FREM1: variants seen among roughly 807,000 people sequenced by gnomAD.
FREM1 encodes FRAS1-related extracellular matrix protein 1.
A neutral mutation model predicts 210.1 loss-of-function variants in FREM1; 220 were observed. The ratio of observed to expected loss-of-function variants is 1.05; its 90% CI spans 0.94 to 1.17. The LOEUF (loss-of-function observed/expected upper bound fraction) is 1.17, where lower values mean the gene tolerates loss of function less well. Among genes scored for constraint, FREM1 ranks in the 50% most tolerant of loss-of-function variants. The probability of loss-of-function intolerance (pLI) is 0.00; values close to 1 mark genes in which losing one functional copy is unlikely to be tolerated. For missense variants in FREM1, 3,454 were observed against 2,675.5 expected (o/e 1.29, Z -6.42); for synonymous variants, 1,189 against 980.2 (o/e 1.21, Z -3.98).
intron 10 of FREM1, among the ~76,000 whole-genome samples, chr9:14,830,698 T>G (rs1823397454): frequency 1.3e-5 from 2 of 152,150 alleles, no homozygotes; most frequent in South Asian, 4.1e-4. Context: ...CCTTCCTTCT[T>G]GCCTATTAAA....
chr9:14,782,820 C>T (rs1007971157), intron 24 of FREM1, among the ~76,000 whole-genome samples: 2 of 152,184 alleles, frequency 1.3e-5, no homozygotes, highest in Admixed American at 1.3e-4. Context: ...CTCCCGCAAC[C>T]TTGTGAGGCA....
rs760898480 is a variant in FREM1 at position 14,863,886 on chromosome 9, G to C, written c.252C>G (p.Phe84Leu). 7.5e-6 allele frequency: 12 copies of C among 1,609,792 alleles called. No homozygotes were observed. The East Asian group carries it at 2.0e-4, about 27-fold the overall frequency. ...KLTPQVFDCH[F>L]LPNEVKYVHN... Reference sequence around the variant, plus strand: ...GAACATACTTGACTTCGTTGGGAAGGAAATGGCAGTCAAAGACCTAGTTCA... The same window carrying C: ...GAACATACTTGACTTCGTTGGGAAGCAAATGGCAGTCAAAGACCTAGTTCA... Residue 84 changes from phenylalanine to leucine, a missense_variant, in exon 3 of 37, where the codon TTC becomes TTG. Phe to Leu is a conservative substitution (Grantham distance 22, BLOSUM62 0). Transcript: ENST00000380880.
intron 16 of FREM1, among the ~76,000 whole-genome samples, chr9:14,812,241 A>T (rs537223607): frequency 7.9e-5 from 12 of 152,338 alleles, no homozygotes; most frequent in Admixed American, 3.9e-4. Flanking sequence ...CACCTGGGTG[A>T]CAACATAAAG....
At chr9:14,807,259 T>C (rs1818540710) in intron 17 of FREM1, among the ~76,000 whole-genome samples, 1 of 152,200 alleles carries the variant, frequency 6.6e-6, no homozygotes, top group Non-Finnish European at 1.5e-5. Flanking sequence ...TCAAGATCAG[T>C]TGGTACCTCT....
chr9:14,809,114 T>C (rs1371402738), intron 16 of FREM1, among the ~76,000 whole-genome samples: 1 of 152,166 alleles, frequency 6.6e-6, no homozygotes, highest in Non-Finnish European at 1.5e-5. Flanking sequence ...CTCATGATAG[T>C]GAATGAGTCT....
Position 14,778,785 on chromosome 9 carries a change from A to G in FREM1, c.4443-2582T>C, listed in dbSNP as rs548730862. ...AAGTCAGGCGCGGTAGCTCACGCCT[A>G]TAGCTTGGACACTCTGGGAGGCTGG... On this transcript the variant is annotated intron_variant, in intron 24 of 36. Coordinates refer to ENST00000380880, the MANE Select transcript of FREM1 (RefSeq NM_001379081.2). 3.5e-5 allele frequency among the ~76,000 whole-genome samples: 5 copies of G among 144,708 alleles called. No individual in the cohort carries two copies. The South Asian group carries it at 9.3e-4, about 27-fold the overall frequency. 94.9% of individuals were successfully genotyped at this position (144,708 alleles called of 152,430 possible).
In FREM1 at chr9:14,846,155, T is replaced by C. The variant is rs562487168; in HGVS notation, c.1262-64A>G. The stretch of plus-strand genomic sequence containing the variant: ...CTGGATAAAGAAAATGAGGCACATA[T>C]ACACCATGGAATACTATGCAGCCAT... On this transcript the variant is annotated intron_variant, in intron 7 of 36. Coordinates refer to ENST00000380880, the MANE Select transcript of FREM1 (RefSeq NM_001379081.2). 14 of 1,310,802 alleles carry C rather than the reference T, an allele frequency of 1.1e-5. No individual in the cohort carries two copies. In the African/African-American group the frequency reaches 1.9e-4, roughly 18 times the overall value. 81.2% of individuals were successfully genotyped at this position (1,310,802 alleles called of 1,614,324 possible). A position where few individuals can be genotyped will look rare whatever the true frequency, so the allele number is the denominator to read the frequency against.
In FREM1 at chr9:14,841,467, G is replaced by C; in HGVS notation, c.1861C>G (p.Pro621Ala). 6.2e-7 allele frequency: 1 copy of C among 1,607,366 alleles called. No homozygotes were observed. The highest frequency in any genetic ancestry group is 1.1e-5 in the South Asian group (1 of 89,926). ...CTTACCTGTGGCACTGAAAGATTTGGAGGTTCATGGCTGTCCCACAGGACA... is the reference window on the plus strand; with the variant it reads ...CTTACCTGTGGCACTGAAAGATTTGCAGGTTCATGGCTGTCCCACAGGACA... Reference protein sequence around the residue: ...QFVLWDSHEPPNLSVPQVATI... With the variant: ...QFVLWDSHEPANLSVPQVATI... Residue 621 changes from proline to alanine, a missense_variant, in exon 10 of 37, where the codon CCA (proline) becomes GCA (alanine). Transcript: ENST00000380880.
intron 15 of FREM1, among the ~76,000 whole-genome samples, chr9:14,816,061 T>A (rs952805968): frequency 6.6e-6 from 1 of 152,116 alleles, no homozygotes; most frequent in African/African-American, 2.4e-5. Context: ...CACACACACA[T>A]ATACATGGCT....
chr9:14,869,882 C>G (rs769210398), intron 1 of FREM1, among the ~76,000 whole-genome samples: 2 of 152,176 alleles, frequency 1.3e-5, no homozygotes, highest in African/African-American at 4.8e-5. Context: ...AGCTTCAGCA[C>G]GCACAGCTAA....
intron 24 of FREM1, among the ~76,000 whole-genome samples, chr9:14,783,210 G>C (rs1323647893): frequency 1.3e-5 from 2 of 152,148 alleles, no homozygotes; most frequent in African/African-American, 4.8e-5. Flanking sequence ...TGCTAAAAAG[G>C]TGAGCAGCAT....
chr9:14,778,725 GAAGGGAAGGGAAGGGAAGGGAAGGA>G (rs1849125801), intron 24 of FREM1, among the ~76,000 whole-genome samples: 2 of 135,498 alleles, frequency 1.5e-5, no homozygotes, highest in Non-Finnish European at 3.2e-5. Flanking sequence ...GAAGGGAAGG[GAAGGGAAGGGAAGGGAAGGGAAGGA>G]AAGGAAAGGA....
At chr9:14,898,941 A>T (rs927613092) in intron 1 of FREM1, among the ~76,000 whole-genome samples, 15 of 152,204 alleles carry the variant, frequency 9.9e-5, no homozygotes, top group Non-Finnish European at 1.6e-4. Flanking sequence ...TTTTTCTATA[A>T]ACCTAAAACA....
chr9:14,882,373 C>T (rs114013387), intron 1 of FREM1, among the ~76,000 whole-genome samples: 1,738 of 152,116 alleles, frequency 0.011, 35 homozygotes, highest in African/African-American at 0.04. Flanking sequence ...TCTTATGGCT[C>T]CCTGCACCAC....
At chr9:14,823,678 T>C (rs1268314357) in intron 12 of FREM1, among the ~76,000 whole-genome samples, 1 of 152,190 alleles carries the variant, frequency 6.6e-6, no homozygotes, top group African/African-American at 2.4e-5. Flanking sequence ...TGGTATATTG[T>C]TGTCAGCCCT....
chr9:14,765,630 C>A (rs147342130), intron 27 of FREM1, among the ~76,000 whole-genome samples: 1 of 152,058 alleles, frequency 6.6e-6, no homozygotes, highest in African/African-American at 2.4e-5. Flanking sequence ...AACACCTTCC[C>A]CTATCAGGTG....
chr9:14,804,187 T>C (rs997523761), intron 19 of FREM1, among the ~76,000 whole-genome samples: 8 of 152,126 alleles, frequency 5.3e-5, no homozygotes, highest in Non-Finnish European at 8.8e-5. Context: ...AAAATATGGT[T>C]ATCTAAAAAA....
chr9:14,817,478 T>C (rs1186494814), intron 14 of FREM1, among the ~76,000 whole-genome samples: 1 of 152,212 alleles, frequency 6.6e-6, no homozygotes, highest in African/African-American at 2.4e-5. Context: ...GCCTTAGCCC[T>C]ATCTTCCACT....
chr9:14,840,733 T>A (rs959615514), intron 10 of FREM1, among the ~76,000 whole-genome samples: 3 of 152,312 alleles, frequency 2.0e-5, no homozygotes, highest in Admixed American at 6.5e-5. Flanking sequence ...TGTCCTTTTT[T>A]AAAATCTCTA....
Sources: allele counts gnomAD v4.1 joint callset (sites outside exome capture counted in the v4.1 genomes callset), GRCh38; gene constraint gnomAD v4.1.1; transcripts MANE v1.5; gene names NCBI Gene and HGNC (gene_info 2026-07-23, HGNC 2026-07-21).